Variants in EVI5 observed in about 807,000 individuals in gnomAD.
EVI5 encodes the protein ecotropic viral integration site 5 protein homolog.
EVI5 carries 73 observed loss-of-function variants against 112.0 expected under a neutral mutation model. The ratio of observed to expected loss-of-function variants is 0.65; its 90% confidence interval spans 0.54 to 0.79. The LOEUF (loss-of-function observed/expected upper bound fraction) is 0.79. Among genes scored for constraint, EVI5 ranks in the 30% least tolerant of loss-of-function variants. EVI5 has a pLI of 0.00. For synonymous variants in EVI5, 305 were observed against 319.9 expected, an observed-to-expected ratio of 0.95 and a Z score of 0.50; for missense variants, 900 against 968.8, an observed-to-expected ratio of 0.93 and a Z score of 0.94.
chr1:92,642,874 A>G (rs1336344724), intron 13 of EVI5, among the ~76,000 whole-genome samples: 1 of 152,218 alleles, frequency 6.6e-6, no homozygotes, highest in Non-Finnish European at 1.5e-5. Flanking sequence ...AGCAGCTTTT[A>G]ACTCAAATTC....
intron 1 of EVI5, among the ~76,000 whole-genome samples, chr1:92,762,709 T>C (rs887103608): frequency 6.6e-5 from 10 of 152,202 alleles, no homozygotes; most frequent in African/African-American, 2.4e-4. Context: ...ATTATCAACA[T>C]ACCACATGAA....
At position 92,563,739 on chromosome 1, in the gene EVI5, T is replaced by C. The variant is rs1668980908; in HGVS notation, c.2071-2A>G. ...TCCTTGAAGCTTTCCTTCTTCTTTCTGTTTTGTGACAAAACAACAAAGCAA... is the reference window on the plus strand; with the variant it reads ...TCCTTGAAGCTTTCCTTCTTCTTTCCGTTTTGTGACAAAACAACAAAGCAA... On this transcript the variant is annotated splice_acceptor_variant, in intron 18 of 19. Coordinates refer to ENST00000684568, the MANE Select transcript of EVI5 (RefSeq NM_001350197.2). LOFTEE classifies it high-confidence loss of function. 1 of 1,595,654 alleles carries C rather than the reference T, an allele frequency of 6.3e-7. No individual in the cohort carries two copies. Among genetic ancestry groups the C allele is most frequent in the Non-Finnish European group, 8.6e-7 (1 of 1,166,838 alleles).
intron 2 of EVI5, among the ~76,000 whole-genome samples, chr1:92,725,723 A>T (rs1343937613): frequency 1.1e-3 from 2 of 1,896 alleles, no homozygotes; most frequent in African/African-American, 7.9e-3. Context: ...ATTTTGTTTA[A>T]AAAAAAAAAA....
At chr1:92,699,376 A>C (rs529416887) in intron 5 of EVI5, among the ~76,000 whole-genome samples, 1 of 152,064 alleles carries the variant, frequency 6.6e-6, no homozygotes. Flanking sequence ...CCCATATCCT[A>C]CCATCAACAG....
chr1:92,724,786 C>A (rs1190181998), intron 2 of EVI5, among the ~76,000 whole-genome samples: 2 of 151,870 alleles, frequency 1.3e-5, no homozygotes, highest in Non-Finnish European at 2.9e-5. Flanking sequence ...CCAGCCTGAG[C>A]AACAGAGTAA....
At position 92,531,406 on chromosome 1, in the gene EVI5, G is replaced by A. The variant is rs369348824; in HGVS notation, c.2167-17436C>T. The stretch of plus-strand genomic sequence containing the variant: ...AGAGCTTCCCCAACCTAGCAAGGTA[G>A]GCCAACATTCAAATTCAGGAAATAC... On this transcript the variant is annotated intron_variant, in intron 19 of 19. Coordinates refer to ENST00000684568, the MANE Select transcript of EVI5 (RefSeq NM_001350197.2). Among the ~76,000 whole-genome samples, 55 of 152,220 alleles carry A rather than the reference G, an allele frequency of 3.6e-4. 1 individual carries two copies. The highest frequency in any genetic ancestry group is 1.2e-3 in the African/African-American group (51 of 41,530).
chr1:92,765,571 G>A (rs962213643), intron 1 of EVI5, among the ~76,000 whole-genome samples: 2 of 147,878 alleles, frequency 1.4e-5, no homozygotes, highest in East Asian at 2.0e-4. Flanking sequence ...ACAAAGACAC[G>A]AAACAAAACC....
intron 1 of EVI5, among the ~76,000 whole-genome samples, chr1:92,773,140 A>AG (rs955718748): frequency 2.8e-5 from 4 of 143,346 alleles, no homozygotes; most frequent in Non-Finnish European, 6.0e-5. Flanking sequence ...CAGGAGGCAG[A>AG]GGTTGCAGTG....
intron 18 of EVI5, among the ~76,000 whole-genome samples, chr1:92,564,181 G>A (rs1669067253): frequency 6.6e-6 from 1 of 152,078 alleles, no homozygotes; most frequent in Non-Finnish European, 1.5e-5. Flanking sequence ...CTTTAAAAAT[G>A]CTTAATAAAG....
At chr1:92,539,931 T>C (rs183265200) in intron 19 of EVI5, among the ~76,000 whole-genome samples, 195 of 152,358 alleles carry the variant, frequency 1.3e-3, no homozygotes, top group African/African-American at 4.6e-3. Context: ...AATTTATCTA[T>C]TCTGGACATA....
chr1:92,690,687 G>A (rs910201223), intron 9 of EVI5, among the ~76,000 whole-genome samples: 39 of 151,962 alleles, frequency 2.6e-4, no homozygotes, highest in Non-Finnish European at 1.8e-4. Flanking sequence ...GCCAAGAGGT[G>A]GAAGGTCATA....
intron 11 of EVI5, 100 bp from the exon 12 acceptor site, chr1:92,663,552 C>A: frequency 3.7e-6 from 2 of 540,482 alleles, no homozygotes; most frequent in South Asian, 2.9e-5. Flanking sequence ...ATCTACTTTT[C>A]ATTGCTAATT....
At chr1:92,622,253 C>T in intron 16 of EVI5, 1 of 410,744 alleles carries the variant, frequency 2.4e-6, no homozygotes. Flanking sequence ...AACTGTACCT[C>T]AGTAGAAGTG....
chr1:92,633,738 T>A (rs1307661090), intron 14 of EVI5, among the ~76,000 whole-genome samples: 1 of 152,156 alleles, frequency 6.6e-6, no homozygotes, highest in African/African-American at 2.4e-5. Context: ...ATAACGAGCA[T>A]ATTTTGCTCG....
intron 1 of EVI5, among the ~76,000 whole-genome samples, chr1:92,752,926 T>C (rs1680411004): frequency 6.6e-6 from 1 of 152,100 alleles, no homozygotes; most frequent in African/African-American, 2.4e-5. Flanking sequence ...ATAAACAAAA[T>C]AGACATGGTC....
intron 2 of EVI5, among the ~76,000 whole-genome samples, chr1:92,716,563 C>T (rs897035896): frequency 1.3e-5 from 2 of 152,238 alleles, no homozygotes; most frequent in Non-Finnish European, 2.9e-5. Flanking sequence ...CGCCTCTTTC[C>T]CTCCAAAGGA....
At chr1:92,527,737 T>G (rs535667041) in intron 19 of EVI5, among the ~76,000 whole-genome samples, 3 of 152,356 alleles carry the variant, frequency 2.0e-5, no homozygotes, top group African/African-American at 7.2e-5. Flanking sequence ...TTATATGGTA[T>G]GCATTTGTTT....
In EVI5 at chr1:92,663,448, C is replaced by G; in HGVS notation, c.1217G>C (p.Ser406Thr). Residue 406 changes from serine to threonine, a missense_variant, in exon 12 of 20, where the codon AGT becomes ACT. By Grantham distance (58) the Ser-to-Thr change is moderately conservative. Coordinates refer to ENST00000684568, the MANE Select transcript of EVI5 (RefSeq NM_001350197.2). ...TATCAATCTATCTGCCAAGGAAGCA[C>G]TTTCCTACAAAAGGAAAAATTCAGA... Reference protein sequence around the residue: ...KQRIETLEKESASLADRLIQG... With the variant: ...KQRIETLEKETASLADRLIQG... 7.0e-7 allele frequency: 1 copy of G among 1,419,228 alleles called. No homozygotes were observed. Among genetic ancestry groups the G allele is most frequent in the Non-Finnish European group, 9.4e-7 (1 of 1,063,636 alleles). 87.9% of individuals were successfully genotyped at this position (1,419,228 alleles called of 1,614,324 possible).
intron 19 of EVI5, among the ~76,000 whole-genome samples, chr1:92,538,020 G>A (rs1399087324): frequency 2.0e-5 from 3 of 152,102 alleles, no homozygotes; most frequent in Non-Finnish European, 4.4e-5. Context: ...GGAAAGGAAA[G>A]TTTGGAATAG....
Sources: allele counts gnomAD v4.1 joint callset (sites outside exome capture counted in the v4.1 genomes callset), GRCh38; gene constraint gnomAD v4.1.1; transcripts MANE v1.5; gene names NCBI Gene and HGNC (gene_info 2026-07-23, HGNC 2026-07-21).